Variants in SLC37A1 observed in about 807,000 individuals in gnomAD.
The protein encoded by SLC37A1 is solute carrier family 37 member 1, also known as glucose-6-phosphate exchanger SLC37A1.
Under a neutral mutation model 75.3 loss-of-function variants are expected in SLC37A1, and 49 were observed. That is an observed-to-expected ratio of 0.65 (90% CI 0.52 to 0.83). The LOEUF (loss-of-function observed/expected upper bound fraction) is 0.83. Ranked by LOEUF, SLC37A1 falls within the 40% of genes least tolerant of loss-of-function variation. The probability of loss-of-function intolerance (pLI) is 0.00; values close to 1 mark genes in which losing one functional copy is unlikely to be tolerated. For synonymous variants in SLC37A1, 268 were observed against 292.1 expected, an observed-to-expected ratio of 0.92 and a Z score of 0.84; for missense variants, 566 against 695.0, an observed-to-expected ratio of 0.81 and a Z score of 2.09.
intron 18 of SLC37A1, among the ~76,000 whole-genome samples, chr21:42,577,633 G>C (rs375591502): frequency 6.6e-6 from 1 of 152,206 alleles, no homozygotes; most frequent in African/African-American, 2.4e-5. Flanking sequence ...GAGAACCTAG[G>C]GTCAGGGGAA....
chr21:42,554,981 TG>T (rs1487092131), intron 10 of SLC37A1, among the ~76,000 whole-genome samples: 3 of 125,296 alleles, frequency 2.4e-5, no homozygotes, highest in Admixed American at 7.8e-5. Context: ...GTTGGTTGGT[TG>T]TTTTTTTTTT....
At chr21:42,527,591 C>A (rs967428984) in intron 3 of SLC37A1, among the ~76,000 whole-genome samples, 1 of 152,170 alleles carries the variant, frequency 6.6e-6, no homozygotes, top group Non-Finnish European at 1.5e-5. Context: ...CCTGCGAGTG[C>A]CCCTGTGAGG....
Position 42,574,861 on chromosome 21 carries a change from C to A in SLC37A1, c.1467C>A (p.Ser489=). ...GPLLAGLLSP[S]GWSNVFYMLM... ...TGCTGGCTGGGCTCCTCTCCCCGTC[C>A]GGCTGGAGCAATGTGTTTTACATGC... The change falls in exon 18 of 20, where the codon TCC becomes TCA. Residue 489 remains serine (S), a synonymous_variant. Coordinates refer to ENST00000352133, the MANE Select transcript of SLC37A1 (RefSeq NM_001320537.2). 6.2e-7 allele frequency: 1 copy of A among 1,614,170 alleles called. No homozygotes were observed. The highest frequency in any genetic ancestry group is 8.5e-7 in the Non-Finnish European group (1 of 1,180,018).
chr21:42,579,877 C>A, intron 19 of SLC37A1, 77 bp downstream of exon 19: 1 of 1,336,074 alleles, frequency 7.5e-7, no homozygotes, highest in Non-Finnish European at 1.1e-6. Flanking sequence ...GCCTTCTGCA[C>A]CTGGCTTTCC....
chr21:42,577,288 C>T (rs893024924), intron 18 of SLC37A1, among the ~76,000 whole-genome samples: 22 of 152,198 alleles, frequency 1.4e-4, no homozygotes, highest in Non-Finnish European at 1.3e-4. Context: ...TAACTGTGGC[C>T]TATTTTTGTG....
At chr21:42,532,805 G>T (rs2055023866) in intron 3 of SLC37A1, among the ~76,000 whole-genome samples, 1 of 152,230 alleles carries the variant, frequency 6.6e-6, no homozygotes, top group African/African-American at 2.4e-5. Context: ...AGGTCAGCAT[G>T]GCGCCTCCAG....
chr21:42,537,607 C>T (rs2055172429), intron 5 of SLC37A1, among the ~76,000 whole-genome samples: 1 of 152,168 alleles, frequency 6.6e-6, no homozygotes, highest in African/African-American at 2.4e-5. Context: ...TGCTGCTAAA[C>T]ATCCTACAAC....
chr21:42,550,029 A>G (rs1244194831), intron 9 of SLC37A1, among the ~76,000 whole-genome samples: 1 of 152,252 alleles, frequency 6.6e-6, no homozygotes, highest in Non-Finnish European at 1.5e-5. Flanking sequence ...GCAAATAGCA[A>G]TCATCTTAAT....
chr21:42,512,678 G>A (rs564527266), upstream of SLC37A1, among the ~76,000 whole-genome samples: 2 of 152,398 alleles, frequency 1.3e-5, no homozygotes, highest in East Asian at 3.9e-4. Context: ...TCCCGCTTGC[G>A]GAATGAGGGG....
chr21:42,527,270 G>A (rs1252589287), intron 3 of SLC37A1, among the ~76,000 whole-genome samples: 1 of 152,144 alleles, frequency 6.6e-6, no homozygotes, highest in African/African-American at 2.4e-5. Flanking sequence ...GGCCTTTGGG[G>A]GAATCTTTGT....
intron 9 of SLC37A1, among the ~76,000 whole-genome samples, chr21:42,550,767 G>C (rs1052848804): frequency 7.9e-5 from 12 of 152,232 alleles, no homozygotes; most frequent in African/African-American, 2.7e-4. Context: ...ATACACAGCT[G>C]GCTTAACAGG....
At chr21:42,542,507 T>C (rs746366220) in intron 7 of SLC37A1, 27 bp downstream of exon 7, 8 of 1,611,952 alleles carry the variant, frequency 5.0e-6, no homozygotes, top group East Asian at 2.2e-5. Context: ...CTGTTTCCAA[T>C]AGCAGATGAA....
In SLC37A1 at chr21:42,579,788, G is replaced by A. The variant is rs749312136; in HGVS notation, c.1574G>A (p.Gly525Glu). 12 of 1,614,140 alleles carry A rather than the reference G, an allele frequency of 7.4e-6. No individual in the cohort carries two copies. In the Admixed American group the frequency reaches 1.7e-4, roughly 22 times the overall value. Residue 525 changes from glycine to glutamate, a missense_variant, in exon 19 of 20, where the codon GGG (glycine) becomes GAG (glutamate). Physicochemically the swap from Gly to Glu is moderately conservative, Grantham distance 98 (BLOSUM62 -2). Transcript: ENST00000352133. ...KELSCPGSAT[G>E]DQVPFKEQ Reference sequence around the variant, plus strand: ...CTGAGCTGCCCAGGGTCAGCTACGGGGGACCAAGTTCCGTAAGTCCCACTC... The same window carrying A: ...CTGAGCTGCCCAGGGTCAGCTACGGAGGACCAAGTTCCGTAAGTCCCACTC...
intron 5 of SLC37A1, among the ~76,000 whole-genome samples, chr21:42,535,773 C>T (rs2146844612): frequency 6.6e-6 from 1 of 152,312 alleles, no homozygotes; most frequent in East Asian, 1.9e-4. Flanking sequence ...TTTCCGTGTC[C>T]CGGGCACTGT....
chr21:42,568,526 A>C (rs2056040284), intron 17 of SLC37A1, 88 bp downstream of exon 17: 1 of 1,284,822 alleles, frequency 7.8e-7, no homozygotes, highest in Admixed American at 1.9e-5. Context: ...CCAGGGTTCC[A>C]ACTGCATCTA....
Position 42,565,863 on chromosome 21 carries a change from G to A in SLC37A1, c.1258G>A (p.Glu420Lys). ...CTCCACCGTCAGCAAGATGGGGCTT[G>A]AGGCCACCATCGGTGAGTATGGAGG... ...IFSTVSKMGL[E>K]ATIAMLLLSG... is the part of the protein sequence containing the mutation. Residue 420 changes from glutamate to lysine, a missense_variant, in exon 15 of 20, where the codon GAG (glutamate) becomes AAG (lysine). Transcript: ENST00000352133. The A allele has an allele frequency of 6.2e-7, 1 of 1,614,054 alleles. No individual in the cohort carries two copies. The highest frequency in any genetic ancestry group is 8.5e-7 in the Non-Finnish European group (1 of 1,179,962).
rs557327827 is a variant in SLC37A1, at chr21:42,569,188, GTGTT to G, written c.1423+753_1423+756del. ...GCGTGGGGGTCTCCAGTAAAGCCGA[GTGTT>G]TGGTAGATGAAGGTGGCTCGGTAGA... is the stretch of plus-strand genomic sequence containing the variant. On this transcript the variant is annotated intron_variant, in intron 17 of 19. Coordinates refer to ENST00000352133, the MANE Select transcript of SLC37A1 (RefSeq NM_001320537.2). 1.8e-3 allele frequency among the ~76,000 whole-genome samples: 279 copies of G among 152,370 alleles called. 2 individuals are homozygous for G. Among genetic ancestry groups the G allele is most frequent in the African/African-American group, 6.2e-3 (256 of 41,588 alleles).
intron 18 of SLC37A1, among the ~76,000 whole-genome samples, chr21:42,577,058 A>C (rs2056323835): frequency 6.6e-6 from 1 of 152,258 alleles, no homozygotes; most frequent in Non-Finnish European, 1.5e-5. Flanking sequence ...AATGACTTAG[A>C]ATTCTGTACC....
intron 17 of SLC37A1, among the ~76,000 whole-genome samples, chr21:42,570,025 T>TCATGC (rs3996171): frequency 4.0e-5 from 5 of 125,878 alleles, no homozygotes; most frequent in East Asian, 4.0e-4. Flanking sequence ...CGTTGCCATG[T>TCATGC]GACACACGGC....
Sources: gnomAD v4.1 joint callset for allele counts (sites outside exome capture counted in the v4.1 genomes callset) on GRCh38, gnomAD v4.1.1 for gene constraint, MANE v1.5 for transcripts, NCBI Gene and HGNC (gene_info 2026-07-23, HGNC 2026-07-21) for gene names.